The following SOX5 variants were observed in gnomAD, a reference collection of about 807,000 sequenced individuals.
The protein encoded by SOX5 is SRY-box transcription factor 5, also known as transcription factor SOX-5.
A neutral mutation model predicts 92.0 loss-of-function variants in SOX5; 9 were observed. The observed-to-expected ratio is 0.10, with a 90% CI of 0.06 to 0.17. The LOEUF is 0.17. Among genes scored for constraint, SOX5 ranks in the 10% least tolerant of loss-of-function variants. The pLI is 1.00. For missense variants in SOX5, 642 were observed against 944.5 expected (o/e 0.68, Z 4.20); for synonymous variants, 344 against 336.3 (o/e 1.02, Z -0.25).
chr12:24,516,889 T>C (rs1390371587), intron 1 of SOX5, among the ~76,000 whole-genome samples: 3 of 152,338 alleles, frequency 2.0e-5, no homozygotes, highest in African/African-American at 7.2e-5. Context: ...AATAATAATA[T>C]AAATGTATTC....
rs2083522937 is a variant in SOX5 at position 23,664,580 on chromosome 12, A to AT, written c.931+863dup. ...GAATACAGTTGGCATTTTGACTATA[A>AT]TTTTTTCAAATGATGTATTTTTTCC... On this transcript the variant is annotated intron_variant, in intron 7 of 14. Transcript: ENST00000451604. Among the ~76,000 whole-genome samples the AT allele has an allele frequency of 2.6e-5, 4 of 152,152 alleles. No individual in the cohort carries two copies. The South Asian group carries it at 8.3e-4, about 32-fold the overall frequency.
chr12:24,371,613 C>T (rs2136266980), intron 1 of SOX5, among the ~76,000 whole-genome samples: 1 of 152,260 alleles, frequency 6.6e-6, no homozygotes, highest in Middle Eastern at 3.4e-3. Flanking sequence ...ATATAGACAC[C>T]AGATTGCTAT....
chr12:24,170,515 G>C (rs1052550440), intron 4 of SOX5, among the ~76,000 whole-genome samples: 13 of 152,108 alleles, frequency 8.5e-5, no homozygotes, highest in African/African-American at 2.9e-4. Context: ...GTGCCCTTAG[G>C]ACCTCTGTCA....
intron 1 of SOX5, among the ~76,000 whole-genome samples, chr12:23,945,703 C>T (rs1222152750): frequency 8.5e-5 from 13 of 152,128 alleles, no homozygotes; most frequent in East Asian, 3.9e-4. Context: ...ATCCTGAAAA[C>T]GTAAAATCAA....
chr12:23,749,411 T>C (rs1003295981), intron 4 of SOX5, among the ~76,000 whole-genome samples: 1 of 151,946 alleles, frequency 6.6e-6, no homozygotes, highest in African/African-American at 2.4e-5. Flanking sequence ...GATAATGTTG[T>C]TGTTTTTGCT....
At chr12:24,017,885 C>T (rs1592372998) in intron 4 of SOX5, among the ~76,000 whole-genome samples, 1 of 152,168 alleles carries the variant, frequency 6.6e-6, no homozygotes, top group South Asian at 2.1e-4. Flanking sequence ...CTCCTTAAAA[C>T]ATCTCTGCAG....
chr12:23,561,067 T>G (rs1217302904), intron 11 of SOX5, among the ~76,000 whole-genome samples: 2 of 152,206 alleles, frequency 1.3e-5, no homozygotes, highest in Admixed American at 6.5e-5. Flanking sequence ...TCAACTGCAT[T>G]GAAAGTACAT....
At chr12:23,654,762 A>G (rs2082105051) in intron 7 of SOX5, among the ~76,000 whole-genome samples, 1 of 152,128 alleles carries the variant, frequency 6.6e-6, no homozygotes, top group African/African-American at 2.4e-5. Flanking sequence ...TTAACATTTG[A>G]AACTTTTTAT....
chr12:23,814,040 T>G (rs1185800917), intron 3 of SOX5, among the ~76,000 whole-genome samples: 1 of 152,172 alleles, frequency 6.6e-6, no homozygotes, highest in Non-Finnish European at 1.5e-5. Flanking sequence ...ATTAAAATGC[T>G]TTTTCTTTTT....
chr12:24,280,246 C>A (rs1339825675), intron 2 of SOX5, among the ~76,000 whole-genome samples: 1 of 152,120 alleles, frequency 6.6e-6, no homozygotes, highest in Non-Finnish European at 1.5e-5. Flanking sequence ...TACTAAAGTG[C>A]AGCACGAGGG....
chr12:24,355,342 C>T (rs1320219674), intron 2 of SOX5, among the ~76,000 whole-genome samples: 1 of 108,464 alleles, frequency 9.2e-6, no homozygotes, highest in African/African-American at 3.7e-5. Context: ...GAGTCTCGCT[C>T]TGTCACCCAG....
intron 10 of SOX5, 39 bp downstream of exon 10, chr12:23,575,622 A>C (rs1303609959): frequency 2.5e-6 from 4 of 1,601,090 alleles, no homozygotes; most frequent in Non-Finnish European, 3.4e-6. Context: ...CAATAGCCAT[A>C]AACAGAAAAT....
chr12:24,264,434 G>T (rs559965256), intron 3 of SOX5, among the ~76,000 whole-genome samples: 1 of 152,224 alleles, frequency 6.6e-6, no homozygotes, highest in South Asian at 2.1e-4. Flanking sequence ...ATAGAAAAAT[G>T]TTCATGTACT....
intron 4 of SOX5, among the ~76,000 whole-genome samples, chr12:24,100,840 C>A (rs1358021867): frequency 6.6e-6 from 1 of 152,026 alleles, no homozygotes; most frequent in Non-Finnish European, 1.5e-5. Context: ...AGAGTCCAGT[C>A]CCAAAATACA....
chr12:23,614,928 A>T (rs866955771), intron 8 of SOX5, among the ~76,000 whole-genome samples: 2 of 152,298 alleles, frequency 1.3e-5, no homozygotes, highest in Middle Eastern at 3.4e-3. Context: ...CAGCCTCCTG[A>T]GTAGCTGGGA....
chr12:23,605,277 T>C (rs141261085), intron 8 of SOX5, among the ~76,000 whole-genome samples: 1,726 of 152,092 alleles, frequency 0.011, 25 homozygotes, highest in Middle Eastern at 0.044. Flanking sequence ...AAATTTTACT[T>C]TGATAATGAT....
Position 24,396,558 on chromosome 12 carries a change from G to A in SOX5, c.-250-27919C>T, listed in dbSNP as rs923919565. 4.6e-5 allele frequency among the ~76,000 whole-genome samples: 7 copies of A among 152,208 alleles called. No homozygotes were observed. In the East Asian group the frequency reaches 7.7e-4, roughly 17 times the overall value. ...TTGGTGCCGCATGGCAACAGCTCGCGCTAGCTCCTGCCAGCTCCTGCCTCC... is the reference window on the plus strand; with the variant it reads ...TTGGTGCCGCATGGCAACAGCTCGCACTAGCTCCTGCCAGCTCCTGCCTCC... On this transcript the variant is annotated intron_variant, in intron 1 of 4. Coordinates refer to the SOX5 transcript ENST00000446891.
chr12:24,384,119 G>C (rs1342894677), intron 1 of SOX5, among the ~76,000 whole-genome samples: 1 of 152,184 alleles, frequency 6.6e-6, no homozygotes, highest in Admixed American at 6.5e-5. Flanking sequence ...GCAGAGCTAT[G>C]AGTCAATTGA....
intron 3 of SOX5, among the ~76,000 whole-genome samples, chr12:23,782,931 C>A (rs2095310786): frequency 6.6e-6 from 1 of 152,042 alleles, no homozygotes; most frequent in East Asian, 1.9e-4. Context: ...CTCTGATCAT[C>A]AAATTTAATA....
Sources: allele counts gnomAD v4.1 joint callset (sites outside exome capture counted in the v4.1 genomes callset), GRCh38; gene constraint gnomAD v4.1.1; transcripts MANE v1.5; gene names NCBI Gene and HGNC (gene_info 2026-07-23, HGNC 2026-07-21).